NPC1: variants seen among roughly 807,000 people sequenced by gnomAD.
NPC1 encodes the protein Niemann-Pick C1 protein.
NPC1 carries 85 observed loss-of-function variants against 140.4 expected under a neutral mutation model. That is an observed-to-expected ratio of 0.61 (90% CI 0.51 to 0.72). The LOEUF is 0.72. NPC1 is among the 30% of genes least tolerant of loss of function. The pLI is 0.00. For synonymous variants in NPC1, 656 were observed against 624.8 expected (o/e 1.05, Z -0.74); for missense variants, 1,504 against 1,623.8 (o/e 0.93, Z 1.27).
At position 23,532,169 on chromosome 18, in the gene NPC1, G is replaced by C; in HGVS notation, c.*33C>G. The C allele has an allele frequency of 1.2e-6, 2 of 1,614,106 alleles. No homozygotes were observed. The highest frequency in any genetic ancestry group is 2.2e-5 in the South Asian group (2 of 91,072). On this transcript the variant is annotated 3_prime_UTR_variant, in exon 25 of 25. Coordinates refer to ENST00000269228, the MANE Select transcript of NPC1 (RefSeq NM_000271.5). ...CCAGTGGTAAACCGACCGACCCTTA[G>C]ACACAGTTCAGTCAGGATGCCCTGC...
Position 23,536,659 on chromosome 18 carries a change from A to AG in NPC1, c.3245+13dup. ...TTTGCTGGGTAAACCCCATTGAAAA[A>AG]GGGCAGGCTTTACCTGTAAGGAAAT... is the stretch of plus-strand genomic sequence containing the variant. On this transcript the variant is annotated intron_variant, in intron 21 of 24. Transcript: ENST00000269228. 6.2e-7 allele frequency: 1 copy of AG among 1,610,476 alleles called. No individual in the cohort carries two copies. Among genetic ancestry groups the AG allele is most frequent in the Non-Finnish European group, 8.5e-7 (1 of 1,177,428 alleles).
Position 23,540,429 on chromosome 18 carries a change from AAAAAG to A in NPC1, c.2604+14_2604+18del. ...CAGCTAAAGAAGTTAAAAAAAAAAAAAAAAGGAAGTCATCTTACATCTGGCATCGA... is the reference window on the plus strand; with the variant it reads ...CAGCTAAAGAAGTTAAAAAAAAAAAAGAAGTCATCTTACATCTGGCATCGA... On this transcript the variant is annotated intron_variant, in intron 17 of 24. Coordinates refer to ENST00000269228, the MANE Select transcript of NPC1 (RefSeq NM_000271.5). The A allele has an allele frequency of 4.0e-6, 6 of 1,489,146 alleles. No individual in the cohort carries two copies. Among genetic ancestry groups the A allele is most frequent in the Admixed American group, 1.8e-5 (1 of 56,494 alleles). 92.2% of individuals were successfully genotyped at this position (1,489,146 alleles called of 1,614,324 possible).
chr18:23,522,130 C>A (rs1230542961), downstream of NPC1, among the ~76,000 whole-genome samples: 1 of 152,252 alleles, frequency 6.6e-6, no homozygotes, highest in Non-Finnish European at 1.5e-5. Context: ...ACTGCCCTGT[C>A]TTGCTGGACC....
intron 1 of NPC1, among the ~76,000 whole-genome samples, chr18:23,577,810 C>T (rs531829005): frequency 4.6e-5 from 7 of 152,246 alleles, no homozygotes; most frequent in Admixed American, 6.5e-5. Flanking sequence ...AGAAATCGAG[C>T]GCAGCGCCGG....
intron 9 of NPC1, 135 bp downstream of exon 9, chr18:23,554,623 A>G (rs1598972717): frequency 1.5e-6 from 1 of 655,082 alleles, no homozygotes; most frequent in East Asian, 2.8e-5. Flanking sequence ...AAAAAAAAAG[A>G]TGATGTAAAC....
At position 23,544,429 on chromosome 18, in the gene NPC1, A is replaced by C. The variant is rs1567954998; in HGVS notation, c.2045T>G (p.Leu682Trp). Residue 682 changes from leucine (L) to tryptophan (W), a missense_variant, in exon 13 of 25, where the codon TTG becomes TGG. Transcript: ENST00000269228. ...GATGACTTCAATCACAATGAGGGTCAAGGGCAACCCAATGTAGCTGAAGAC... is the reference window on the plus strand; with the variant it reads ...GATGACTTCAATCACAATGAGGGTCCAGGGCAACCCAATGTAGCTGAAGAC... Reference protein sequence around the residue: ...LGVFSYIGLPLTLIVIEVIPF... With the variant: ...LGVFSYIGLPWTLIVIEVIPF... 6.2e-7 allele frequency: 1 copy of C among 1,614,192 alleles called. No individual in the cohort carries two copies. Among genetic ancestry groups the C allele is most frequent in the Non-Finnish European group, 8.5e-7 (1 of 1,180,018 alleles).
chr18:23,574,495 T>C (rs965628189), intron 1 of NPC1, among the ~76,000 whole-genome samples: 1 of 151,694 alleles, frequency 6.6e-6, no homozygotes, highest in Non-Finnish European at 1.5e-5. Flanking sequence ...TTCTCTCCAG[T>C]GACAGTGGCA....
chr18:23,559,082 A>G (rs920317648), intron 6 of NPC1, among the ~76,000 whole-genome samples: 9 of 152,214 alleles, frequency 5.9e-5, no homozygotes, highest in African/African-American at 2.2e-4. Context: ...AGAGTATTCC[A>G]TGGTGTGTAT....
chr18:23,523,029 T>G (rs1263873449), intron 1 of NPC1: 1 of 152,220 alleles, frequency 6.6e-6, no homozygotes, highest in Non-Finnish European at 1.5e-5. Context: ...TGGGGGGCCT[T>G]AAAAATGAAA....
chr18:23,537,897 A>G (rs1471169860), intron 20 of NPC1, among the ~76,000 whole-genome samples: 1 of 152,184 alleles, frequency 6.6e-6, no homozygotes, highest in Non-Finnish European at 1.5e-5. Flanking sequence ...GGTCAGATGT[A>G]TGTTCTTATG....
At chr18:23,552,698 T>C (rs1265710522) in intron 9 of NPC1, among the ~76,000 whole-genome samples, 2 of 152,184 alleles carry the variant, frequency 1.3e-5, no homozygotes, top group African/African-American at 2.4e-5. Context: ...CAGCTACAAC[T>C]TGGCCAGGTG....
intron 22 of NPC1, among the ~76,000 whole-genome samples, 185 bp from the exon 23 acceptor site, chr18:23,534,744 C>CT (rs1318323524): frequency 6.6e-6 from 1 of 152,106 alleles, no homozygotes; most frequent in Non-Finnish European, 1.5e-5. Context: ...TTTTGGGGCC[C>CT]TCTCTACACA....
chr18:23,572,888 T>C (rs1460571343), intron 2 of NPC1, among the ~76,000 whole-genome samples: 2 of 152,220 alleles, frequency 1.3e-5, no homozygotes, highest in Non-Finnish European at 2.9e-5. Context: ...AACTCTGTTA[T>C]CATGTCGACT....
At chr18:23,510,237 T>C (rs1418096164) in intron 3 of NPC1, among the ~76,000 whole-genome samples, 1 of 151,306 alleles carries the variant, frequency 6.6e-6, no homozygotes, top group Non-Finnish European at 1.5e-5. Context: ...AGTGGGAGGA[T>C]TGCTTGAGCC....
At chr18:23,557,032 C>G (rs2058963736) in intron 7 of NPC1, 85 bp downstream of exon 7, 1 of 1,150,112 alleles carries the variant, frequency 8.7e-7, no homozygotes, top group East Asian at 2.4e-5. Flanking sequence ...ACCTCACCCA[C>G]TGCTGCAACC....
At chr18:23,533,546 C>A in intron 23 of NPC1, 29 bp from the exon 24 acceptor site, 1 of 1,607,622 alleles carries the variant, frequency 6.2e-7, no homozygotes, top group African/African-American at 1.3e-5. Flanking sequence ...TGTTAGAAAC[C>A]ACTTTTACCA....
At chr18:23,519,472 C>T (rs1402779364), downstream of NPC1, among the ~76,000 whole-genome samples, 3 of 151,348 alleles carry the variant, frequency 2.0e-5, no homozygotes, top group Admixed American at 6.6e-5. Flanking sequence ...GAGTGGAGAT[C>T]GCGCCACTGC....
intron 1 of NPC1, among the ~76,000 whole-genome samples, chr18:23,581,203 GA>G (rs1485850019): frequency 1.3e-5 from 2 of 152,146 alleles, no homozygotes; most frequent in Non-Finnish European, 2.9e-5. Context: ...TTTCCCTATG[GA>G]ATGTTCACAG....
At chr18:23,577,955 G>A (rs1170467827) in intron 1 of NPC1, among the ~76,000 whole-genome samples, 1 of 152,224 alleles carries the variant, frequency 6.6e-6, no homozygotes, top group Non-Finnish European at 1.5e-5. Flanking sequence ...ACGCCCACCC[G>A]GAACTCCAGC....
Sources: gnomAD v4.1 joint callset for allele counts (sites outside exome capture counted in the v4.1 genomes callset) on GRCh38, gnomAD v4.1.1 for gene constraint, MANE v1.5 for transcripts, NCBI Gene and HGNC (gene_info 2026-07-23, HGNC 2026-07-21) for gene names.